The following CREB1 variants were observed in gnomAD, a reference collection of about 807,000 sequenced individuals.
CREB1 encodes the protein cAMP responsive element binding protein 1.
A neutral mutation model predicts 42.0 loss-of-function variants in CREB1; 2 were observed. That is an observed-to-expected ratio of 0.05 (90% CI 0.02 to 0.15). CREB1 has a LOEUF of 0.15. CREB1 is among the 10% of genes least tolerant of loss of function. The pLI is 1.00. For missense variants in CREB1, 199 were observed against 388.9 expected (o/e 0.51, Z 4.11); for synonymous variants, 123 against 139.9 (o/e 0.88, Z 0.85).
chr2:207,568,829 G>A (rs1468669083), intron 4 of CREB1, among the ~76,000 whole-genome samples: 3 of 151,646 alleles, frequency 2.0e-5, no homozygotes, highest in Non-Finnish European at 4.4e-5. Flanking sequence ...ACCCATCCTT[G>A]TTGATCTTTA....
In CREB1 at chr2:207,596,861, A is replaced by C. The variant is rs552606087; in HGVS notation, c.840-53A>C. ...AAAGAAAAAAAAAAGGTAATCCAAA[A>C]TAAATATGTGGAAATCATTTGCATA... On this transcript the variant is annotated intron_variant, in intron 7 of 7. Transcript: ENST00000353267. The C allele has an allele frequency of 9.5e-5, 150 of 1,574,398 alleles. 2 individuals are homozygous for C. In the South Asian group the frequency reaches 1.7e-3, roughly 18 times the overall value.
At chr2:207,557,619 C>T (rs994814651) in intron 2 of CREB1, among the ~76,000 whole-genome samples, 3 of 152,076 alleles carry the variant, frequency 2.0e-5, no homozygotes, top group African/African-American at 7.2e-5. Flanking sequence ...GACCGCACCA[C>T]TGCACTCCAG....
intron 2 of CREB1, among the ~76,000 whole-genome samples, chr2:207,556,784 T>C (rs142181761): frequency 6.6e-6 from 1 of 152,276 alleles, no homozygotes; most frequent in East Asian, 1.9e-4. Context: ...TCCATCAATA[T>C]AGGGTCAACA....
Position 207,586,702 on chromosome 2 carries a change from C to A in CREB1, c.839+9047C>A, listed in dbSNP as rs536697619. 8.5e-5 allele frequency among the ~76,000 whole-genome samples: 13 copies of A among 152,238 alleles called. No individual in the cohort carries two copies. The South Asian group carries it at 2.5e-3, about 29-fold the overall frequency. The stretch of plus-strand genomic sequence containing the variant: ...AGGATATATAAGGAACTCAACCGAA[C>A]AGGAAAACAAACAAAAATCCTATTA... On this transcript the variant is annotated intron_variant, in intron 7 of 7. Transcript: ENST00000353267.
intron 3 of CREB1, 25 bp downstream of exon 3, chr2:207,560,397 C>CTATTTTAATAACT: frequency 6.2e-7 from 1 of 1,600,146 alleles, no homozygotes; most frequent in African/African-American, 1.3e-5. Context: ...AGTTCTGCAT[C>CTATTTTAATAACT]TATTTTAATA....
chr2:207,578,898 C>A (rs1477908196), intron 7 of CREB1, among the ~76,000 whole-genome samples: 2 of 152,060 alleles, frequency 1.3e-5, no homozygotes, highest in African/African-American at 4.8e-5. Context: ...TCAAGCAATT[C>A]TCCTGCCTCA....
chr2:207,573,800 A>C (rs186642376), intron 5 of CREB1, among the ~76,000 whole-genome samples: 30 of 152,302 alleles, frequency 2.0e-4, no homozygotes, highest in Non-Finnish European at 5.9e-5. Context: ...GTCTTGTCAT[A>C]TATGGTTTAC....
chr2:207,577,792 C>G (rs1191004341), intron 7 of CREB1, 137 bp downstream of exon 7: 2 of 1,005,278 alleles, frequency 2.0e-6, no homozygotes. Context: ...ATGGATCTTG[C>G]TAAATTTTCT....
At chr2:207,580,097 A>T (rs1404651515) in intron 7 of CREB1, among the ~76,000 whole-genome samples, 3 of 152,200 alleles carry the variant, frequency 2.0e-5, no homozygotes, top group East Asian at 1.9e-4. Flanking sequence ...TTATTTTATT[A>T]ATTCTACCTA....
At chr2:207,561,933 G>A (rs753982118) in intron 3 of CREB1, among the ~76,000 whole-genome samples, 4 of 152,136 alleles carry the variant, frequency 2.6e-5, no homozygotes, top group Admixed American at 2.0e-4. Context: ...TTAAGTGGGA[G>A]CGTGGGGGAG....
intron 2 of CREB1, among the ~76,000 whole-genome samples, chr2:207,556,831 T>C (rs1170268719): frequency 5.9e-5 from 9 of 152,276 alleles, no homozygotes; most frequent in Non-Finnish European, 1.0e-4. Context: ...TTTTGCCCTT[T>C]AGAAAGAGGA....
chr2:207,580,786 T>G, intron 7 of CREB1: 1 of 224,416 alleles, frequency 4.5e-6, no homozygotes, highest in Non-Finnish European at 8.9e-6. Context: ...CTGTTACATT[T>G]TGGCAGCTGC....
intron 4 of CREB1, among the ~76,000 whole-genome samples, chr2:207,569,528 T>G (rs1299440708): frequency 6.6e-6 from 1 of 152,210 alleles, no homozygotes; most frequent in Non-Finnish European, 1.5e-5. Context: ...CTTTAGTTGA[T>G]TGTTGACTTT....
chr2:207,551,843 A>G (rs1244195108), intron 1 of CREB1, among the ~76,000 whole-genome samples: 1 of 151,948 alleles, frequency 6.6e-6, no homozygotes, highest in Non-Finnish European at 1.5e-5. Flanking sequence ...GGAGATCGAG[A>G]CCATCCTGGC....
intron 1 of CREB1, among the ~76,000 whole-genome samples, chr2:207,546,480 A>G (rs1039370785): frequency 6.6e-6 from 1 of 152,168 alleles, no homozygotes; most frequent in African/African-American, 2.4e-5. Context: ...TAATCCCAAC[A>G]CTTTGAGAGG....
chr2:207,566,459 A>G (rs2082144268), intron 3 of CREB1, among the ~76,000 whole-genome samples: 1 of 152,202 alleles, frequency 6.6e-6, no homozygotes. Flanking sequence ...TGTAAATTTG[A>G]CAATCAAGCA....
At position 207,564,374 on chromosome 2, in the gene CREB1, A is replaced by G. The variant is rs566259823; in HGVS notation, c.262-3089A>G. The stretch of plus-strand genomic sequence containing the variant: ...AAATTAAAAATTAGCTGGGAGTGGT[A>G]GTGCATGCCTGCAATCCCAGCTAAC... On this transcript the variant is annotated intron_variant, in intron 3 of 7. Coordinates refer to ENST00000353267, the MANE Select transcript of CREB1 (RefSeq NM_004379.5). 8.5e-5 allele frequency among the ~76,000 whole-genome samples: 13 copies of G among 152,178 alleles called. No individual in the cohort carries two copies. In the South Asian group the frequency reaches 2.1e-3, roughly 24 times the overall value.
At position 207,601,075 on chromosome 2, in the gene CREB1, G is replaced by C. The variant is rs1371533427; in HGVS notation, c.*4017G>C. On this transcript the variant is annotated 3_prime_UTR_variant, in exon 8 of 8. Coordinates refer to ENST00000353267, the MANE Select transcript of CREB1 (RefSeq NM_004379.5). Reference sequence around the variant, plus strand: ...CTTAAAGTTAAGATCTTGAATTAAAGTGAGTTTTAGAAATAGTGTTACATA... The same window carrying C: ...CTTAAAGTTAAGATCTTGAATTAAACTGAGTTTTAGAAATAGTGTTACATA... 1.1e-5 allele frequency: 2 copies of C among 187,548 alleles called. No homozygotes were observed. Among genetic ancestry groups the C allele is most frequent in the African/African-American group, 4.7e-5 (2 of 42,762 alleles). 11.6% of individuals were successfully genotyped at this position (187,548 alleles called of 1,614,324 possible).
chr2:207,578,484 C>T (rs1411911226), intron 7 of CREB1, among the ~76,000 whole-genome samples: 2 of 152,260 alleles, frequency 1.3e-5, no homozygotes, highest in East Asian at 3.9e-4. Flanking sequence ...CAAGTCCTAG[C>T]CCTATCCCTC....
Sources: allele counts gnomAD v4.1 joint callset (sites outside exome capture counted in the v4.1 genomes callset), GRCh38; gene constraint gnomAD v4.1.1; transcripts MANE v1.5; gene names NCBI Gene and HGNC (gene_info 2026-07-23, HGNC 2026-07-21).